C19orf47: variants seen among roughly 807,000 people sequenced by gnomAD.
The protein encoded by C19orf47 is chromosome 19 open reading frame 47.
C19orf47 carries 18 observed loss-of-function variants against 32.3 expected under a neutral mutation model. The observed-to-expected ratio is 0.56, with a 90% CI of 0.39 to 0.83. The LOEUF is 0.83. Among genes scored for constraint, C19orf47 ranks in the 40% least tolerant of loss-of-function variants. C19orf47 has a pLI of 0.00. For missense variants in C19orf47, 484 were observed against 531.6 expected (o/e 0.91, Z 0.88); for synonymous variants, 202 against 211.1 (o/e 0.96, Z 0.37).
At chr19:40,332,368 A>G (rs1600190805) in intron 5 of C19orf47, among the ~76,000 whole-genome samples, 1 of 151,846 alleles carries the variant, frequency 6.6e-6, no homozygotes, top group African/African-American at 2.4e-5. Flanking sequence ...AAAAAAAAAA[A>G]GGTCAGGTGC....
intron 1 of C19orf47, chr19:40,343,740 ACT>A (rs1385656407): frequency 6.9e-6 from 1 of 145,670 alleles, no homozygotes; most frequent in Non-Finnish European, 1.5e-5. Flanking sequence ...CACATATGAG[ACT>A]CTCTTCTCTA....
At chr19:40,335,125 T>A (rs748333486) in intron 4 of C19orf47, among the ~76,000 whole-genome samples, 1 of 151,976 alleles carries the variant, frequency 6.6e-6, no homozygotes, top group Non-Finnish European at 1.5e-5. Flanking sequence ...TTAGCTATTA[T>A]ATTAATCACT....
chr19:40,336,451 G>A, intron 2 of C19orf47, 44 bp from the exon 3 acceptor site: 1 of 1,542,960 alleles, frequency 6.5e-7, no homozygotes, highest in Non-Finnish European at 8.9e-7. Flanking sequence ...GTCCTCTTTA[G>A]AGAATAGCAT....
the C19orf47 span, among the ~76,000 whole-genome samples, chr19:40,295,298 G>T: frequency 6.6e-6 from 1 of 152,088 alleles, no homozygotes; most frequent in African/African-American, 2.4e-5. Flanking sequence ...GGGATGACAG[G>T]CGTGAGCCAC....
the C19orf47 span, among the ~76,000 whole-genome samples, chr19:40,296,990 T>C: frequency 6.6e-6 from 1 of 152,272 alleles, no homozygotes; most frequent in East Asian, 1.9e-4. Context: ...ATTATCTATG[T>C]GGTGCATTGC....
the C19orf47 span, among the ~76,000 whole-genome samples, chr19:40,303,339 C>T: frequency 3.3e-5 from 5 of 150,392 alleles, no homozygotes; most frequent in Non-Finnish European, 5.9e-5. Context: ...CTGGCTAACA[C>T]GGTGAAACCC....
At chr19:40,328,573 C>G (rs1043359762) in intron 5 of C19orf47, 23 bp from the exon 6 acceptor site, 1 of 1,587,218 alleles carries the variant, frequency 6.3e-7, no homozygotes, top group Non-Finnish European at 8.6e-7. Context: ...AAGGAGAGTC[C>G]GGTCGGGTGG....
intron 1 of C19orf47, among the ~76,000 whole-genome samples, chr19:40,346,048 C>T (rs540377107): frequency 4.0e-4 from 59 of 149,162 alleles, no homozygotes; most frequent in Non-Finnish European, 7.3e-4. Flanking sequence ...CCCAGCTACT[C>T]GGGAGGCTGA....
intron 4 of C19orf47, 121 bp downstream of exon 4, chr19:40,335,989 C>T (rs796639532): frequency 8.7e-6 from 7 of 802,338 alleles, no homozygotes; most frequent in African/African-American, 6.9e-5. Context: ...CAGCAAATGG[C>T]TGAACCAGCC....
chr19:40,348,403 G>A (rs943822464), upstream of C19orf47: 3 of 1,479,942 alleles, frequency 2.0e-6, no homozygotes, highest in South Asian at 1.3e-5. Flanking sequence ...TCCTCCCCCG[G>A]CCCGGGCTGC....
At chr19:40,336,267 T>A (rs2078063629) in intron 3 of C19orf47, 43 bp from the exon 4 acceptor site, 1 of 1,613,122 alleles carries the variant, frequency 6.2e-7, no homozygotes, top group African/African-American at 1.3e-5. Context: ...TGGGCCAGAG[T>A]GGGTGGGCCA....
At chr19:40,323,239 G>A (rs1159706730) in intron 8 of C19orf47, among the ~76,000 whole-genome samples, 2 of 152,246 alleles carry the variant, frequency 1.3e-5, no homozygotes, top group African/African-American at 2.4e-5. Context: ...AAACGCAGCT[G>A]GGAGGCTCTG....
At chr19:40,297,439 A>G in the C19orf47 span, among the ~76,000 whole-genome samples, 1 of 152,074 alleles carries the variant, frequency 6.6e-6, no homozygotes, top group South Asian at 2.1e-4. Flanking sequence ...GTGGTGGCTC[A>G]CGCCTGTAAT....
At chr19:40,331,925 C>CA (rs753503839) in intron 5 of C19orf47, among the ~76,000 whole-genome samples, 19 of 144,716 alleles carry the variant, frequency 1.3e-4, no homozygotes, top group Admixed American at 8.3e-4. Flanking sequence ...GTAATGCCAG[C>CA]AACTCAGGAG....
the C19orf47 span, among the ~76,000 whole-genome samples, chr19:40,309,183 TTC>T: frequency 8.6e-5 from 13 of 151,758 alleles, no homozygotes; most frequent in East Asian, 1.9e-4. Context: ...GCCACTTTAT[TTC>T]TCTCTCTCTT....
At position 40,321,360 on chromosome 19, in the gene C19orf47, G is replaced by A. The variant is rs754752814; in HGVS notation, c.*522C>T. ...CAGCGGACAGTCGGGCCTTGCCACG[G>A]GGACAGAAAACAGAAGAGAAATGAA... On this transcript the variant is annotated 3_prime_UTR_variant, in exon 9 of 9. Coordinates refer to ENST00000683109, the MANE Select transcript of C19orf47 (RefSeq NM_001256441.2). The A allele has an allele frequency of 9.1e-6, 9 of 988,404 alleles. No individual in the cohort carries two copies. Among genetic ancestry groups the A allele is most frequent in the African/African-American group, 1.7e-5 (1 of 57,260 alleles). The allele number at this position is 988,404 out of a possible 1,614,324, so 61.2% of individuals were successfully genotyped here.
chr19:40,305,610 A>C, the C19orf47 span, among the ~76,000 whole-genome samples: 1 of 152,116 alleles, frequency 6.6e-6, no homozygotes, highest in South Asian at 2.1e-4. Context: ...TTGAACATTC[A>C]CTGTCTAAAA....
intron 2 of C19orf47, 67 bp downstream of exon 2, chr19:40,341,772 C>A (rs975288608): frequency 4.6e-6 from 7 of 1,533,068 alleles, no homozygotes; most frequent in Non-Finnish European, 6.1e-6. Flanking sequence ...CATCATCCCC[C>A]ACCAAGGCCA....
In C19orf47 at chr19:40,341,886, G is replaced by A; in HGVS notation, c.-29C>T. ...CTCCCTGGCCCTGACACTGCTCCCT[G>A]GAGCCTGAAAGAGAAGAGAGGAGAG... On this transcript the variant is annotated 5_prime_UTR_variant, in exon 2 of 9. Coordinates refer to ENST00000683109, the MANE Select transcript of C19orf47 (RefSeq NM_001256441.2). 6.5e-7 allele frequency: 1 copy of A among 1,536,226 alleles called. No individual in the cohort carries two copies. Among genetic ancestry groups the A allele is most frequent in the South Asian group, 1.2e-5 (1 of 84,062 alleles).
Sources: gnomAD v4.1 joint callset for allele counts (sites outside exome capture counted in the v4.1 genomes callset) on GRCh38, gnomAD v4.1.1 for gene constraint, MANE v1.5 for transcripts, NCBI Gene and HGNC (gene_info 2026-07-23, HGNC 2026-07-21) for gene names.